Variants in PDE4D observed in about 807,000 individuals in gnomAD.
PDE4D encodes the protein phosphodiesterase 4D.
PDE4D carries 24 observed loss-of-function variants against 87.4 expected under a neutral mutation model. The observed-to-expected ratio is 0.27, with a 90% CI of 0.20 to 0.39. The LOEUF (loss-of-function observed/expected upper bound fraction) is 0.39. Among genes scored for constraint, PDE4D ranks in the 10% least tolerant of loss-of-function variants. The pLI is 1.00. For missense variants in PDE4D, 714 were observed against 1,041.0 expected, an observed-to-expected ratio of 0.69 and a Z score of 4.32; for synonymous variants, 384 against 383.2, an observed-to-expected ratio of 1.00 and a Z score of -0.02.
intron 1 of PDE4D, among the ~76,000 whole-genome samples, chr5:59,323,416 AC>A (rs1345100480): frequency 2.6e-5 from 4 of 152,082 alleles, no homozygotes; most frequent in South Asian, 2.1e-4. Context: ...GGACTGGAAT[AC>A]TTCTCTTGAA....
intron 2 of PDE4D, among the ~76,000 whole-genome samples, chr5:60,006,529 T>C (rs1764493443): frequency 1.3e-5 from 2 of 151,794 alleles, no homozygotes; most frequent in African/African-American, 4.8e-5. Context: ...AAGCAATATG[T>C]CCCCCATGCC....
At chr5:60,253,603 T>C (rs1748722901) in intron 1 of PDE4D, among the ~76,000 whole-genome samples, 1 of 151,880 alleles carries the variant, frequency 6.6e-6, no homozygotes, top group South Asian at 2.1e-4. Flanking sequence ...TTCCATGAGG[T>C]GTTTTTACCA....
intron 1 of PDE4D, among the ~76,000 whole-genome samples, chr5:59,779,739 C>G (rs1764421285): frequency 6.6e-6 from 1 of 152,160 alleles, no homozygotes; most frequent in Non-Finnish European, 1.5e-5. Flanking sequence ...AGCCATTTCC[C>G]TACTGGAGGG....
chr5:60,082,624 T>G (rs1028724368), intron 2 of PDE4D, among the ~76,000 whole-genome samples: 5 of 152,182 alleles, frequency 3.3e-5, no homozygotes, highest in African/African-American at 1.2e-4. Context: ...AGGCATCATT[T>G]GTGCTCACAA....
chr5:59,989,112 A>G (rs1762748591), intron 2 of PDE4D, among the ~76,000 whole-genome samples: 2 of 95,108 alleles, frequency 2.1e-5, no homozygotes, highest in South Asian at 8.5e-4. Flanking sequence ...ATATATATAT[A>G]TATACACACA....
At chr5:60,225,102 C>T (rs889175451) in intron 1 of PDE4D, among the ~76,000 whole-genome samples, 5 of 152,014 alleles carry the variant, frequency 3.3e-5, no homozygotes, top group African/African-American at 9.7e-5. Context: ...AGACTATTAT[C>T]GCTGCCTCCT....
intron 3 of PDE4D, among the ~76,000 whole-genome samples, chr5:59,916,438 C>T (rs1754050853): frequency 6.6e-6 from 1 of 152,152 alleles, no homozygotes; most frequent in African/African-American, 2.4e-5. Flanking sequence ...AAGTCCCAGA[C>T]ATACAGTGAA....
intron 1 of PDE4D, among the ~76,000 whole-genome samples, chr5:59,269,007 A>T (rs150682441): frequency 1.3e-5 from 2 of 152,220 alleles, no homozygotes; most frequent in Non-Finnish European, 1.5e-5. Flanking sequence ...AATGATTGAC[A>T]GAGGAACTAC....
intron 1 of PDE4D, among the ~76,000 whole-genome samples, chr5:60,477,824 A>G (rs1359055718): frequency 1.3e-5 from 2 of 152,148 alleles, no homozygotes; most frequent in African/African-American, 2.4e-5. Flanking sequence ...GGGATATGAG[A>G]GACATGGGAA....
chr5:59,395,147 C>G (rs987927377), intron 1 of PDE4D, among the ~76,000 whole-genome samples: 1 of 151,532 alleles, frequency 6.6e-6, no homozygotes, highest in African/African-American at 2.4e-5. Flanking sequence ...AGCGGCGAGG[C>G]TGGGGGAGGG....
chr5:59,582,698 G>A (rs1350931522), intron 1 of PDE4D, among the ~76,000 whole-genome samples: 6 of 152,080 alleles, frequency 3.9e-5, no homozygotes, highest in Non-Finnish European at 7.4e-5. Flanking sequence ...AAACCTTTTA[G>A]AAATTGATAC....
intron 2 of PDE4D, among the ~76,000 whole-genome samples, chr5:59,209,639 C>T (rs1749648686): frequency 6.6e-6 from 1 of 152,110 alleles, no homozygotes; most frequent in Admixed American, 6.6e-5. Context: ...ATAGTTAAGT[C>T]CAAATAACTT....
intron 1 of PDE4D, among the ~76,000 whole-genome samples, chr5:59,232,811 C>CATATATAT (rs139070531): frequency 2.1e-5 from 3 of 143,506 alleles, no homozygotes; most frequent in African/African-American, 8.0e-5. Context: ...AGAGAAAATA[C>CATATATAT]ATATATATAT....
chr5:59,045,909 C>T (rs1339517196), intron 5 of PDE4D, among the ~76,000 whole-genome samples: 5 of 152,162 alleles, frequency 3.3e-5, no homozygotes, highest in African/African-American at 9.7e-5. Flanking sequence ...GCTTCTCTGA[C>T]GATTATTCTT....
rs543364858 is a variant in PDE4D at position 59,770,090 on chromosome 5, T to C, written c.455+123078A>G. ...TCAATGACACATAAGTGCTATGACTTCATCAAAAAATGTTAGACAAATATT... is the reference window on the plus strand; with the variant it reads ...TCAATGACACATAAGTGCTATGACTCCATCAAAAAATGTTAGACAAATATT... On this transcript the variant is annotated intron_variant, in intron 1 of 14. Coordinates refer to ENST00000340635, the MANE Select transcript of PDE4D (RefSeq NM_001104631.2). Among the ~76,000 whole-genome samples the C allele has an allele frequency of 5.9e-5, 9 of 152,290 alleles. No homozygotes were observed. The South Asian group carries it at 1.9e-3, about 32-fold the overall frequency.
chr5:59,304,549 T>TA (rs1422982715), intron 1 of PDE4D, among the ~76,000 whole-genome samples: 1 of 152,198 alleles, frequency 6.6e-6, no homozygotes, highest in Non-Finnish European at 1.5e-5. Context: ...AGATAGTTTT[T>TA]ATTACATTAA....
chr5:59,642,867 T>C (rs1003191192), intron 1 of PDE4D, among the ~76,000 whole-genome samples: 2 of 152,212 alleles, frequency 1.3e-5, no homozygotes, highest in African/African-American at 2.4e-5. Context: ...ATAAGCTGTA[T>C]AACAAAATAC....
intron 1 of PDE4D, among the ~76,000 whole-genome samples, chr5:60,263,851 A>G (rs893002618): frequency 6.6e-6 from 1 of 152,194 alleles, no homozygotes; most frequent in Non-Finnish European, 1.5e-5. Flanking sequence ...TGGCTTTGAG[A>G]AGCAAAAATT....
At chr5:60,190,599 G>C (rs7717250) in intron 1 of PDE4D, among the ~76,000 whole-genome samples, 12,598 of 152,232 alleles carry the variant, frequency 0.083, 1,455 homozygotes, top group African/African-American at 0.26. Context: ...GAAGTATAGG[G>C]AACATAAGTA....
Sources: allele counts gnomAD v4.1 joint callset (sites outside exome capture counted in the v4.1 genomes callset), GRCh38; gene constraint gnomAD v4.1.1; transcripts MANE v1.5; gene names NCBI Gene and HGNC (gene_info 2026-07-23, HGNC 2026-07-21).